The following NRXN1 variants were observed in gnomAD, a reference collection of about 807,000 sequenced individuals.
NRXN1 encodes neurexin-1.
Under a neutral mutation model 150.9 loss-of-function variants are expected in NRXN1, and 39 were observed. The ratio of observed to expected loss-of-function variants is 0.26; its 90% CI spans 0.20 to 0.34. The LOEUF (loss-of-function observed/expected upper bound fraction) is 0.34. Ranked by LOEUF, NRXN1 falls within the 10% of genes least tolerant of loss-of-function variation. NRXN1 has a pLI of 1.00. For synonymous variants in NRXN1, 924 were observed against 757.0 expected, an observed-to-expected ratio of 1.22 and a Z score of -3.62; for missense variants, 1,815 against 1,949.9, an observed-to-expected ratio of 0.93 and a Z score of 1.30.
chr2:50,319,894 C>T (rs538537955), intron 17 of NRXN1, among the ~76,000 whole-genome samples: 6 of 152,194 alleles, frequency 3.9e-5, no homozygotes, highest in Non-Finnish European at 7.4e-5. Flanking sequence ...TTCTTGCCTC[C>T]TCCAGTTCTA....
chr2:50,303,468 T>C lies in NRXN1; in HGVS notation c.3365-66498A>G, dbSNP rs56364961. ...ACATTTCTCTTCTTTGGCTTTATAG[T>C]CTTTACAGCCAACTTAAGTCATTAT... On this transcript the variant is annotated intron_variant, in intron 17 of 22. Coordinates refer to ENST00000401669, the MANE Select transcript of NRXN1 (RefSeq NM_001330078.2). 9.8e-3 allele frequency among the ~76,000 whole-genome samples: 1,495 copies of C among 152,272 alleles called. 27 individuals carry two copies. Among genetic ancestry groups the C allele is most frequent in the African/African-American group, 0.034 (1,408 of 41,576 alleles).
intron 17 of NRXN1, among the ~76,000 whole-genome samples, chr2:50,376,046 T>TATATATATAC (rs1553516368): frequency 4.7e-5 from 7 of 148,632 alleles, no homozygotes; most frequent in Non-Finnish European, 9.0e-5. Context: ...CATATATATA[T>TATATATATAC]ACACACACAC....
chr2:50,931,638 C>A (rs62142988), intron 2 of NRXN1, among the ~76,000 whole-genome samples: 12,166 of 150,846 alleles, frequency 0.081, 561 homozygotes, highest in South Asian at 0.11. Context: ...AAATGCACAG[C>A]ATATTAAAAG....
At chr2:50,901,830 T>C (rs944813327) in intron 5 of NRXN1, among the ~76,000 whole-genome samples, 2 of 152,232 alleles carry the variant, frequency 1.3e-5, no homozygotes, top group Admixed American at 6.5e-5. Flanking sequence ...ATGTGCTAAT[T>C]TGTATTCACT....
At chr2:50,113,072 C>T (rs1232886492) in intron 18 of NRXN1, among the ~76,000 whole-genome samples, 1 of 152,134 alleles carries the variant, frequency 6.6e-6, no homozygotes, top group African/African-American at 2.4e-5. Flanking sequence ...TCTTCTGAAG[C>T]CCTCATTACC....
At chr2:50,721,556 G>A (rs1217816502) in intron 5 of NRXN1, among the ~76,000 whole-genome samples, 1 of 152,144 alleles carries the variant, frequency 6.6e-6, no homozygotes, top group Non-Finnish European at 1.5e-5. Context: ...CTGACAGACA[G>A]ACGAGGACTA....
intron 17 of NRXN1, among the ~76,000 whole-genome samples, chr2:50,281,926 C>G (rs1574913275): frequency 6.6e-6 from 1 of 152,078 alleles, no homozygotes; most frequent in African/African-American, 2.4e-5. Flanking sequence ...GTTTTAAACT[C>G]TATATATTTG....
chr2:50,628,239 G>C (rs898231776), intron 5 of NRXN1, among the ~76,000 whole-genome samples: 6 of 151,748 alleles, frequency 4.0e-5, no homozygotes, highest in African/African-American at 1.4e-4. Context: ...AATAAACTTT[G>C]AAGTTATATG....
chr2:50,819,685 T>A (rs916844826), intron 5 of NRXN1, among the ~76,000 whole-genome samples: 1 of 151,422 alleles, frequency 6.6e-6, no homozygotes, highest in Non-Finnish European at 1.5e-5. Flanking sequence ...ACATGTTATG[T>A]TTTTTTTTAA....
intron 17 of NRXN1, among the ~76,000 whole-genome samples, chr2:50,457,311 T>C (rs548905004): frequency 1.2e-3 from 187 of 152,246 alleles, no homozygotes; most frequent in African/African-American, 4.3e-3. Flanking sequence ...AGTGCACTTA[T>C]TACTAATTTC....
At chr2:50,295,411 C>T (rs544464200) in intron 17 of NRXN1, among the ~76,000 whole-genome samples, 11 of 152,146 alleles carry the variant, frequency 7.2e-5, no homozygotes, top group African/African-American at 2.7e-4. Context: ...TTTTCTTCTA[C>T]TCAATATTAA....
At chr2:50,656,368 A>C (rs747137196) in intron 5 of NRXN1, 2 of 777,184 alleles carry the variant, frequency 2.6e-6, no homozygotes, top group Non-Finnish European at 4.8e-6. Flanking sequence ...CTGTACTAGG[A>C]CATTTGCTTC....
At chr2:50,772,858 G>A (rs1703173634) in intron 5 of NRXN1, among the ~76,000 whole-genome samples, 1 of 151,996 alleles carries the variant, frequency 6.6e-6, no homozygotes, top group Admixed American at 6.6e-5. Flanking sequence ...TAATGTTTAT[G>A]GGCTGTAGAT....
chr2:50,398,630 T>A (rs971241530), intron 17 of NRXN1, among the ~76,000 whole-genome samples: 1 of 152,150 alleles, frequency 6.6e-6, no homozygotes, highest in Non-Finnish European at 1.5e-5. Flanking sequence ...ACAGTCATTT[T>A]CCCTGTGTAG....
intron 17 of NRXN1, among the ~76,000 whole-genome samples, chr2:50,383,022 A>G (rs1363908726): frequency 2.0e-5 from 3 of 152,106 alleles, no homozygotes; most frequent in Non-Finnish European, 2.9e-5. Flanking sequence ...TGTTCCCATC[A>G]TCATATATGT....
chr2:50,973,345 A>G (rs991769546), intron 2 of NRXN1, among the ~76,000 whole-genome samples: 4 of 152,142 alleles, frequency 2.6e-5, no homozygotes, highest in African/African-American at 9.7e-5. Flanking sequence ...ATTCCTGCAG[A>G]ATTCTTACTA....
intron 2 of NRXN1, among the ~76,000 whole-genome samples, chr2:50,962,032 C>G: frequency 6.6e-6 from 1 of 151,438 alleles, no homozygotes; most frequent in East Asian, 1.9e-4. Flanking sequence ...CAAGCATTTG[C>G]AGAATAAAAT....
intron 5 of NRXN1, among the ~76,000 whole-genome samples, chr2:50,800,984 A>G (rs192836766): frequency 6.9e-4 from 105 of 152,330 alleles, no homozygotes; most frequent in Non-Finnish European, 1.1e-3. Flanking sequence ...GTACGCAAGC[A>G]TAACTTCAGA....
At chr2:50,506,387 G>T (rs1459552180) in intron 13 of NRXN1, 108 bp downstream of exon 13, 2 of 933,958 alleles carry the variant, frequency 2.1e-6, no homozygotes, top group Non-Finnish European at 3.1e-6. Flanking sequence ...AATGGATTGT[G>T]TGAATACATT....
Sources: gnomAD v4.1 joint callset for allele counts (sites outside exome capture counted in the v4.1 genomes callset) on GRCh38, gnomAD v4.1.1 for gene constraint, MANE v1.5 for transcripts, NCBI Gene and HGNC (gene_info 2026-07-23, HGNC 2026-07-21) for gene names.